ATP2C2: variants seen among roughly 807,000 people sequenced by gnomAD.
The protein encoded by ATP2C2 is calcium-transporting ATPase type 2C member 2.
ATP2C2 carries 171 observed loss-of-function variants against 110.8 expected under a neutral mutation model. The ratio of observed to expected loss-of-function variants is 1.54; its 90% confidence interval spans 1.36 to 1.75. The LOEUF (loss-of-function observed/expected upper bound fraction) is 1.75. Ranked by LOEUF, ATP2C2 falls within the 40% of genes most tolerant of loss-of-function variation. The pLI, the probability that ATP2C2 is intolerant of heterozygous loss-of-function variation, is 0.00. For synonymous variants in ATP2C2, 804 were observed against 508.4 expected (o/e 1.58, Z -7.82); for missense variants, 1,963 against 1,235.0 (o/e 1.59, Z -8.84).
intron 2 of ATP2C2, among the ~76,000 whole-genome samples, chr16:84,402,984 T>C (rs1905436831): frequency 6.6e-6 from 1 of 152,224 alleles, no homozygotes; most frequent in Non-Finnish European, 1.5e-5. Context: ...TATTCAGCTT[T>C]TGGATTTCTT....
chr16:84,396,306 G>T (rs963208308), intron 1 of ATP2C2, among the ~76,000 whole-genome samples: 1 of 152,050 alleles, frequency 6.6e-6, no homozygotes, highest in Non-Finnish European at 1.5e-5. Context: ...AGCACTTTTG[G>T]AGGCTGAGGC....
chr16:84,443,955 C>A (rs527525107), intron 15 of ATP2C2, among the ~76,000 whole-genome samples: 1 of 152,190 alleles, frequency 6.6e-6, no homozygotes, highest in East Asian at 1.9e-4. Flanking sequence ...TCATTTGAGG[C>A]CAAGAGTTTG....
chr16:84,437,335 AG>A (rs1908833482), intron 11 of ATP2C2, among the ~76,000 whole-genome samples: 1 of 151,954 alleles, frequency 6.6e-6, no homozygotes, highest in African/African-American at 2.4e-5. Flanking sequence ...CTGGGATTAT[AG>A]GTGCACACTG....
chr16:84,408,967 C>G (rs188063316), intron 4 of ATP2C2, among the ~76,000 whole-genome samples: 1 of 152,160 alleles, frequency 6.6e-6, no homozygotes, highest in Non-Finnish European at 1.5e-5. Context: ...CCACCTCTGC[C>G]TAGTTCCAAA....
At chr16:84,386,587 G>C (rs1904331345) in intron 1 of ATP2C2, among the ~76,000 whole-genome samples, 1 of 152,140 alleles carries the variant, frequency 6.6e-6, no homozygotes, top group African/African-American at 2.4e-5. Flanking sequence ...CCTGTTGCTA[G>C]CTCCTTGCTC....
chr16:84,452,194 C>A, intron 18 of ATP2C2, 103 bp downstream of exon 18: 1 of 1,405,462 alleles, frequency 7.1e-7, no homozygotes, highest in South Asian at 1.3e-5. Context: ...GTCAGGAGTG[C>A]TCACGCCTAG....
chr16:84,369,779 C>G (rs776422318), intron 1 of ATP2C2, among the ~76,000 whole-genome samples: 1 of 152,032 alleles, frequency 6.6e-6, no homozygotes, highest in Non-Finnish European at 1.5e-5. Flanking sequence ...GTGTTTTGTG[C>G]TTTTTTAAAA....
At chr16:84,450,727 C>T (rs1037690395) in intron 17 of ATP2C2, among the ~76,000 whole-genome samples, 1 of 152,122 alleles carries the variant, frequency 6.6e-6, no homozygotes, top group Non-Finnish European at 1.5e-5. Flanking sequence ...GGGGCAGGAG[C>T]TGGGCCTGGC....
chr16:84,409,258 A>G (rs1906057018), intron 4 of ATP2C2, among the ~76,000 whole-genome samples: 1 of 152,140 alleles, frequency 6.6e-6, no homozygotes, highest in African/African-American at 2.4e-5. Context: ...ATGAGAACAC[A>G]TGGACACAGG....
At chr16:84,429,955 G>A (rs1042472010) in intron 11 of ATP2C2, among the ~76,000 whole-genome samples, 1 of 152,158 alleles carries the variant, frequency 6.6e-6, no homozygotes, top group Admixed American at 6.5e-5. Context: ...AGGCAGTCCT[G>A]AGCACATAGA....
chr16:84,422,347 G>T, intron 7 of ATP2C2, 43 bp from the exon 8 acceptor site: 2 of 1,591,922 alleles, frequency 1.3e-6, no homozygotes, highest in Non-Finnish European at 1.7e-6. Flanking sequence ...CAATTCTCGG[G>T]GTGACAGAGA....
intron 16 of ATP2C2, among the ~76,000 whole-genome samples, chr16:84,446,912 G>A (rs938635784): frequency 1.3e-5 from 2 of 152,050 alleles, no homozygotes; most frequent in East Asian, 1.9e-4. Context: ...TCATCTCCCC[G>A]TCATACTGGG....
intron 1 of ATP2C2, among the ~76,000 whole-genome samples, chr16:84,388,858 G>A (rs980267581): frequency 2.4e-4 from 37 of 152,106 alleles, no homozygotes; most frequent in African/African-American, 8.5e-4. Flanking sequence ...TGCTACCTCC[G>A]CCTCCTGGGT....
At chr16:84,452,714 G>C (rs184436206) in intron 18 of ATP2C2, among the ~76,000 whole-genome samples, 1 of 151,976 alleles carries the variant, frequency 6.6e-6, no homozygotes, top group Non-Finnish European at 1.5e-5. Flanking sequence ...GCCCAGGCTG[G>C]TCTTGAACTC....
intron 1 of ATP2C2, among the ~76,000 whole-genome samples, chr16:84,372,725 G>A (rs1227998549): frequency 1.3e-5 from 2 of 152,106 alleles, no homozygotes; most frequent in Admixed American, 6.5e-5. Context: ...CACCTGGCCA[G>A]TGTTGTCTTA....
chr16:84,425,520 T>C (rs1307610282), intron 10 of ATP2C2, among the ~76,000 whole-genome samples: 1 of 148,660 alleles, frequency 6.7e-6, no homozygotes, highest in East Asian at 1.9e-4. Flanking sequence ...TAAATTTGGC[T>C]TGGACCTTTC....
intron 16 of ATP2C2, among the ~76,000 whole-genome samples, chr16:84,447,865 TTAA>T (rs1909901370): frequency 7.0e-6 from 1 of 143,018 alleles, no homozygotes; most frequent in African/African-American, 2.5e-5. Context: ...ATTAATAACA[TTAA>T]TATGTTAATT....
intron 1 of ATP2C2, among the ~76,000 whole-genome samples, chr16:84,396,128 T>C (rs1904957293): frequency 1.3e-5 from 2 of 152,178 alleles, no homozygotes. Context: ...TCATCCATGT[T>C]GTAGCATGTG....
intron 6 of ATP2C2, 159 bp downstream of exon 6, chr16:84,410,924 GTCGC>G: frequency 1.5e-6 from 1 of 687,446 alleles, no homozygotes; most frequent in Non-Finnish European, 2.5e-6. Context: ...CTGCCAATAG[GTCGC>G]TGTGTGTCCT....
Sources: gnomAD v4.1 joint callset for allele counts (sites outside exome capture counted in the v4.1 genomes callset) on GRCh38, gnomAD v4.1.1 for gene constraint, MANE v1.5 for transcripts, NCBI Gene and HGNC (gene_info 2026-07-23, HGNC 2026-07-21) for gene names.